FGF12: variants seen among roughly 807,000 people sequenced by gnomAD.
The protein encoded by FGF12 is fibroblast growth factor 12B.
In FGF12, 14 loss-of-function variants were observed where a neutral mutation model predicts 23.6. The ratio of observed to expected loss-of-function variants is 0.59; its 90% CI spans 0.39 to 0.93. FGF12 has a LOEUF of 0.93. Among genes scored for constraint, FGF12 ranks in the 40% least tolerant of loss-of-function variants. The probability of loss-of-function intolerance (pLI) is 0.00; values close to 1 mark genes in which losing one functional copy is unlikely to be tolerated. For synonymous variants in FGF12, 62 were observed against 77.3 expected, an observed-to-expected ratio of 0.80 and a Z score of 1.04; for missense variants, 175 against 217.8, an observed-to-expected ratio of 0.80 and a Z score of 1.24.
At chr3:192,364,667 C>T (rs1317760969) in intron 2 of FGF12, among the ~76,000 whole-genome samples, 1 of 152,170 alleles carries the variant, frequency 6.6e-6, no homozygotes, top group Non-Finnish European at 1.5e-5. Flanking sequence ...TAACATAGCC[C>T]TAGGGGCTAT....
At position 192,232,513 on chromosome 3, in the gene FGF12, GTATT is replaced by G. The variant is rs112832511; in HGVS notation, c.229-61861_229-61858del. The stretch of plus-strand genomic sequence containing the variant: ...ATCAATGGTGGGCTCCCATGCACGT[GTATT>G]TATTTATTTATTTATTTATTTATTT... On this transcript the variant is annotated intron_variant, in intron 4 of 5. Transcript: ENST00000445105. 4.5e-3 allele frequency among the ~76,000 whole-genome samples: 670 copies of G among 147,462 alleles called. 3 individuals are homozygous for G. The highest frequency in any genetic ancestry group is 7.7e-3 in the Non-Finnish European group (515 of 66,988).
At chr3:192,496,941 T>C (rs1001429944) in intron 2 of FGF12, among the ~76,000 whole-genome samples, 1 of 152,212 alleles carries the variant, frequency 6.6e-6, no homozygotes, top group African/African-American at 2.4e-5. Flanking sequence ...ATATCTCTTT[T>C]CTTCCATATT....
intron 2 of FGF12, among the ~76,000 whole-genome samples, chr3:192,657,420 T>TAAA (rs10663419): frequency 0.52 from 74,405 of 144,064 alleles, 19,274 homozygotes; most frequent in Middle Eastern, 0.57. Flanking sequence ...AGAGAACTAT[T>TAAA]AAAAAAAAAA....
chr3:192,249,324 A>G (rs1711846766), intron 4 of FGF12, among the ~76,000 whole-genome samples: 1 of 152,224 alleles, frequency 6.6e-6, no homozygotes, highest in African/African-American at 2.4e-5. Context: ...ACAATACTGC[A>G]TGCAGCAGCT....
intron 2 of FGF12, among the ~76,000 whole-genome samples, chr3:192,487,001 T>TATC (rs751687405): frequency 6.8e-6 from 1 of 146,042 alleles, no homozygotes. Flanking sequence ...TTTGTTTTAC[T>TATC]ATTATTATTA....
intron 5 of FGF12, among the ~76,000 whole-genome samples, chr3:192,148,369 A>G (rs1485377273): frequency 2.6e-5 from 4 of 152,228 alleles, no homozygotes; most frequent in Non-Finnish European, 5.9e-5. Flanking sequence ...GGAGCCAAAT[A>G]TTGATTCCAC....
chr3:192,511,066 T>C (rs1724455668), intron 2 of FGF12, among the ~76,000 whole-genome samples: 1 of 152,186 alleles, frequency 6.6e-6, no homozygotes, highest in Non-Finnish European at 1.5e-5. Context: ...TGTGATTGTT[T>C]AGCTCAGTCT....
intron 2 of FGF12, among the ~76,000 whole-genome samples, chr3:192,668,328 C>T (rs918046834): frequency 5.3e-5 from 8 of 152,090 alleles, no homozygotes; most frequent in African/African-American, 1.9e-4. Context: ...TACTATTCTA[C>T]GGGGAACTGG....
chr3:192,538,652 T>C (rs1725293006), intron 2 of FGF12, among the ~76,000 whole-genome samples: 1 of 152,310 alleles, frequency 6.6e-6, no homozygotes, highest in African/African-American at 2.4e-5. Context: ...TTTCAAAATT[T>C]TTTTTCTATT....
At chr3:192,436,675 T>G (rs1221499262) in intron 2 of FGF12, among the ~76,000 whole-genome samples, 1 of 152,240 alleles carries the variant, frequency 6.6e-6, no homozygotes, top group African/African-American at 2.4e-5. Flanking sequence ...AATAACTGCA[T>G]GTTCAAGATA....
intron 2 of FGF12, among the ~76,000 whole-genome samples, chr3:192,383,789 A>G (rs1409126924): frequency 6.6e-6 from 1 of 152,162 alleles, no homozygotes; most frequent in African/African-American, 2.4e-5. Flanking sequence ...TTAGAAAGAA[A>G]CCTACAAATT....
chr3:192,557,959 C>T (rs1711859188), intron 2 of FGF12, among the ~76,000 whole-genome samples: 1 of 151,786 alleles, frequency 6.6e-6, no homozygotes, highest in African/African-American at 2.4e-5. Context: ...CAACAGATAA[C>T]ATAATATTCA....
rs539783870 is a variant in FGF12, at chr3:192,670,528, T to G, written c.13+56653A>C. Among the ~76,000 whole-genome samples the G allele has an allele frequency of 2.0e-5, 3 of 152,272 alleles. No homozygotes were observed. In the South Asian group the frequency reaches 6.2e-4, roughly 32 times the overall value. ...GAAATAATAATAATAATGTTGTGAA[T>G]AATATAAATTGCCATACAATAAAAA... is the stretch of plus-strand genomic sequence containing the variant. On this transcript the variant is annotated intron_variant, in intron 2 of 5. Coordinates refer to ENST00000445105, the MANE Select transcript of FGF12 (RefSeq NM_004113.6).
chr3:192,433,693 T>C (rs1721930779), intron 2 of FGF12, among the ~76,000 whole-genome samples: 1 of 152,242 alleles, frequency 6.6e-6, no homozygotes, highest in Non-Finnish European at 1.5e-5. Flanking sequence ...CATGTAAATA[T>C]TTAGACTAGT....
intron 2 of FGF12, among the ~76,000 whole-genome samples, chr3:192,610,427 T>G (rs1223183297): frequency 6.6e-6 from 1 of 152,088 alleles, no homozygotes; most frequent in Non-Finnish European, 1.5e-5. Flanking sequence ...TCCAGTCTTG[T>G]TATATTGGTC....
chr3:192,381,113 C>T (rs182707203), intron 2 of FGF12, among the ~76,000 whole-genome samples: 2 of 152,268 alleles, frequency 1.3e-5, no homozygotes, highest in African/African-American at 4.8e-5. Context: ...CAACTAGCCA[C>T]TTTCAAGTGC....
At chr3:192,662,476 C>T (rs1336727561) in intron 2 of FGF12, among the ~76,000 whole-genome samples, 1 of 152,198 alleles carries the variant, frequency 6.6e-6, no homozygotes, top group Non-Finnish European at 1.5e-5. Context: ...GACTTGAAAG[C>T]TACCTAGGTC....
intron 2 of FGF12, among the ~76,000 whole-genome samples, chr3:192,526,522 TCCTCA>T (rs1257682605): frequency 6.6e-6 from 1 of 151,834 alleles, no homozygotes; most frequent in Admixed American, 6.6e-5. Flanking sequence ...TATATACAGT[TCCTCA>T]CCTCAAGCTT....
intron 2 of FGF12, among the ~76,000 whole-genome samples, chr3:192,654,441 A>G (rs992190515): frequency 2.0e-5 from 3 of 152,234 alleles, no homozygotes; most frequent in Admixed American, 2.0e-4. Context: ...TAATCTCCAT[A>G]TCAGCAACCC....
Sources: gnomAD v4.1 joint callset for allele counts (sites outside exome capture counted in the v4.1 genomes callset) on GRCh38, gnomAD v4.1.1 for gene constraint, MANE v1.5 for transcripts, NCBI Gene and HGNC (gene_info 2026-07-23, HGNC 2026-07-21) for gene names.